CCNT1: variants seen among roughly 807,000 people sequenced by gnomAD.
CCNT1 encodes the protein cyclin T1.
In CCNT1, 18 loss-of-function variants were observed where a neutral mutation model predicts 67.3. That is an observed-to-expected ratio of 0.27 (90% CI 0.18 to 0.40). The LOEUF (loss-of-function observed/expected upper bound fraction) is 0.40. Ranked by LOEUF, CCNT1 falls within the 10% of genes least tolerant of loss-of-function variation. CCNT1 has a pLI of 1.00. For synonymous variants in CCNT1, 333 were observed against 310.3 expected, an observed-to-expected ratio of 1.07 and a Z score of -0.77; for missense variants, 744 against 884.9, an observed-to-expected ratio of 0.84 and a Z score of 2.02.
At chr12:48,696,672 A>T (rs1940173552) in intron 6 of CCNT1, among the ~76,000 whole-genome samples, 1 of 152,238 alleles carries the variant, frequency 6.6e-6, no homozygotes, top group Non-Finnish European at 1.5e-5. Flanking sequence ...TAATAAACAG[A>T]CAACTACTCT....
In CCNT1 at chr12:48,690,100, CT is replaced by C. The variant is rs1173351391; in HGVS notation, c.*2932del. The C allele has an allele frequency of 2.0e-5, 3 of 152,224 alleles. No homozygotes were observed. The highest frequency in any genetic ancestry group is 7.2e-5 in the African/African-American group (3 of 41,446). 9.4% of individuals were successfully genotyped at this position (152,224 alleles called of 1,614,324 possible). A position where few individuals can be genotyped will look rare whatever the true frequency, so the allele number is the denominator to read the frequency against. ...TCTAAACTCAAAAGCATAACTGATA[CT>C]TCAGAAGACCGATTTGGATCGATGC... On this transcript the variant is annotated 3_prime_UTR_variant, in exon 9 of 9. Transcript: ENST00000261900.
chr12:48,693,751 G>C lies in CCNT1; in HGVS notation c.1463C>G (p.Ala488Gly). Residue 488 changes from alanine (A) to glycine (G), a missense_variant, in exon 9 of 9, where the codon GCT becomes GGT. Physicochemically the swap from Ala to Gly is moderately conservative, Grantham distance 60. This residue lies in a region of CCNT1 where 564 missense variants were observed against 574.2 expected (regional missense o/e 0.98). Transcript: ENST00000261900. ...TACAGAATTGTGCTTATCAGCTGCA[G>C]CATGGACTTTTATGCGCATTTTTAT... ...EEIKMRIKVH[A>G]AADKHNSVED... 6.2e-7 allele frequency: 1 copy of C among 1,614,084 alleles called. No individual in the cohort carries two copies. Among genetic ancestry groups the C allele is most frequent in the Non-Finnish European group, 8.5e-7 (1 of 1,180,014 alleles).
intron 7 of CCNT1, 67 bp from the exon 8 acceptor site, chr12:48,695,896 G>A: frequency 6.6e-7 from 1 of 1,511,838 alleles, no homozygotes; most frequent in Non-Finnish European, 9.2e-7. Context: ...AGAATAACCT[G>A]AACTACTAAC....
intron 3 of CCNT1, among the ~76,000 whole-genome samples, chr12:48,702,919 A>C (rs1940294634): frequency 6.6e-6 from 1 of 152,150 alleles, no homozygotes; most frequent in Non-Finnish European, 1.5e-5. Context: ...CCAAGAGTTC[A>C]AGACCAGCCT....
Position 48,695,773 on chromosome 12 carries a change from TGC to T in CCNT1, c.761_762del (p.Arg254HisfsTer17). ...ATGATTCTTACCCTCCAATTCCAAA[TGC>T]GTTTGAGCCTGTTGGGAGTTTTCTC... ...ILEKTPNRLK[R>X]IWNWRACEAA... On this transcript the variant is annotated frameshift_variant, in exon 8 of 9. Transcript: ENST00000261900. LOFTEE classifies it high-confidence loss of function. 6.2e-7 allele frequency: 1 copy of T among 1,611,450 alleles called. No homozygotes were observed. The highest frequency in any genetic ancestry group is 8.5e-7 in the Non-Finnish European group (1 of 1,177,594).
chr12:48,701,601 GCTTTT>G (rs970618026), intron 3 of CCNT1, among the ~76,000 whole-genome samples: 57 of 151,266 alleles, frequency 3.8e-4, no homozygotes, highest in Admixed American at 5.9e-4. Flanking sequence ...TGTATTTTTT[GCTTTT>G]CTTTTTTCTT....
chr12:48,715,861 C>T (rs1239292663), intron 1 of CCNT1, among the ~76,000 whole-genome samples: 1 of 152,162 alleles, frequency 6.6e-6, no homozygotes, highest in East Asian at 1.9e-4. Flanking sequence ...TCGTGGGTAT[C>T]CCCTACAAAC....
intron 4 of CCNT1, among the ~76,000 whole-genome samples, chr12:48,700,318 CA>C (rs372908471): frequency 1.1e-3 from 92 of 82,284 alleles, no homozygotes; most frequent in East Asian, 2.3e-3. Flanking sequence ...GACTCCGTCT[CA>C]AAAAAAAAAA....
At chr12:48,707,636 T>TTATGATAAATGTATA (rs1473500710) in intron 2 of CCNT1, among the ~76,000 whole-genome samples, 1 of 147,206 alleles carries the variant, frequency 6.8e-6, no homozygotes, top group East Asian at 1.9e-4. Context: ...TAAGAAATGT[T>TTATGATAAATGTATA]TATGATAAAT....
In CCNT1 at chr12:48,691,954, A is replaced by G. The variant is rs1940081431; in HGVS notation, c.*1079T>C. 6.6e-6 allele frequency: 1 copy of G among 152,182 alleles called. No homozygotes were observed. The highest frequency in any genetic ancestry group is 1.5e-5 in the Non-Finnish European group (1 of 68,028). 9.4% of individuals were successfully genotyped at this position (152,182 alleles called of 1,614,324 possible). A position where few individuals can be genotyped will look rare whatever the true frequency, so the allele number is the denominator to read the frequency against. ...TTGGGCTTTCACAGGCAGGATATAC[A>G]TAGCACATTCCCCATCTCTTAGAGA... On this transcript the variant is annotated 3_prime_UTR_variant, in exon 9 of 9. Transcript: ENST00000261900.
At chr12:48,698,100 A>G (rs1472408400) in intron 6 of CCNT1, 38 bp downstream of exon 6, 10 of 1,423,050 alleles carry the variant, frequency 7.0e-6, no homozygotes, top group East Asian at 6.9e-5. Flanking sequence ...AAAGTCCTAT[A>G]CCAAAAATCG....
At chr12:48,706,975 C>T (rs1940370368) in intron 2 of CCNT1, among the ~76,000 whole-genome samples, 1 of 151,960 alleles carries the variant, frequency 6.6e-6, no homozygotes, top group African/African-American at 2.4e-5. Context: ...GAAGCAGAGG[C>T]GGGGGATCAC....
At chr12:48,714,155 A>G (rs1940498857) in intron 2 of CCNT1, among the ~76,000 whole-genome samples, 1 of 152,156 alleles carries the variant, frequency 6.6e-6, no homozygotes, top group African/African-American at 2.4e-5. Context: ...TGATCCTCCC[A>G]TCTCAGTCTC....
chr12:48,703,579 A>G (rs527999072), intron 3 of CCNT1, among the ~76,000 whole-genome samples: 1 of 152,030 alleles, frequency 6.6e-6, no homozygotes, highest in Non-Finnish European at 1.5e-5. Context: ...AACTCGAAAA[A>G]AAAGTTAAAA....
intron 6 of CCNT1, among the ~76,000 whole-genome samples, chr12:48,697,188 A>C (rs893633365): frequency 6.6e-6 from 1 of 152,070 alleles, no homozygotes; most frequent in African/African-American, 2.4e-5. Context: ...ATAAGTGCCC[A>C]TTGATTGATA....
Position 48,705,752 on chromosome 12 carries a change from GTAAT to G in CCNT1, c.372+12_372+15del. The G allele has an allele frequency of 6.3e-7, 1 of 1,596,282 alleles. No individual in the cohort carries two copies. Among genetic ancestry groups the G allele is most frequent in the Middle Eastern group, 1.7e-4 (1 of 6,028 alleles). ...GAAAAAAATTAAGAAAAACAGATGT[GTAAT>G]TAATCTCCTACCTCACTTCTAGTAT... On this transcript the variant is annotated intron_variant, in intron 3 of 8. Transcript: ENST00000261900.
intron 3 of CCNT1, among the ~76,000 whole-genome samples, chr12:48,703,227 C>CATGGTGA (rs1940301147): frequency 6.6e-6 from 1 of 151,844 alleles, no homozygotes; most frequent in Admixed American, 6.6e-5. Flanking sequence ...ATCCTGGCTA[C>CATGGTGA]AATCTTGCCA....
rs1940046158 is a variant in CCNT1, at chr12:48,689,901, A to G, written c.*3132T>C. 1 of 152,238 alleles carries G rather than the reference A, an allele frequency of 6.6e-6. No individual in the cohort carries two copies. The highest frequency in any genetic ancestry group is 1.5e-5 in the Non-Finnish European group (1 of 68,044). The allele number at this position is 152,238 out of a possible 1,614,324, so 9.4% of individuals were successfully genotyped here. A position where few individuals can be genotyped will look rare whatever the true frequency, so the allele number is the denominator to read the frequency against. On this transcript the variant is annotated 3_prime_UTR_variant, in exon 9 of 9. Coordinates refer to ENST00000261900, the MANE Select transcript of CCNT1 (RefSeq NM_001240.4). Reference sequence around the variant, plus strand: ...AATCCATTGCTGTTTGCAACTGGAGATTTAAAATTTTTCTGTCAACACTGG... The same window carrying G: ...AATCCATTGCTGTTTGCAACTGGAGGTTTAAAATTTTTCTGTCAACACTGG...
At chr12:48,698,209 G>A (rs768245400) in intron 5 of CCNT1, 26 bp from the exon 6 acceptor site, 4 of 1,470,368 alleles carry the variant, frequency 2.7e-6, no homozygotes, top group Non-Finnish European at 3.7e-6. Flanking sequence ...AAAAGTCAGG[G>A]GTGGGGGAGG....
Sources: gnomAD v4.1 joint callset for allele counts (sites outside exome capture counted in the v4.1 genomes callset) on GRCh38, gnomAD v4.1.1 for gene constraint, gnomAD v4.1.1 regional missense constraint, MANE v1.5 for transcripts, NCBI Gene and HGNC (gene_info 2026-07-23, HGNC 2026-07-21) for gene names.